Variants in TMOD3 observed in about 807,000 individuals in gnomAD.
The protein encoded by TMOD3 is tropomodulin 3.
In TMOD3, 20 loss-of-function variants were observed where a neutral mutation model predicts 39.2. That is an observed-to-expected ratio of 0.51 (90% CI 0.36 to 0.74). The LOEUF is 0.74. TMOD3 is among the 30% of genes least tolerant of loss of function. TMOD3 has a pLI of 0.00. For synonymous variants in TMOD3, 143 were observed against 145.8 expected, an observed-to-expected ratio of 0.98 and a Z score of 0.14; for missense variants, 381 against 412.8, an observed-to-expected ratio of 0.92 and a Z score of 0.67.
chr15:51,872,276 C>G (rs2056478721), intron 3 of TMOD3, among the ~76,000 whole-genome samples: 1 of 152,034 alleles, frequency 6.6e-6, no homozygotes, highest in South Asian at 2.1e-4. Flanking sequence ...ACCTGTAATC[C>G]TAGCTACTCA....
At chr15:51,887,139 T>TG (rs1308436386) in intron 3 of TMOD3, among the ~76,000 whole-genome samples, 1 of 150,774 alleles carries the variant, frequency 6.6e-6, no homozygotes, top group Admixed American at 6.6e-5. Flanking sequence ...AAGAATCACT[T>TG]GAACCCGGGA....
intron 1 of TMOD3, among the ~76,000 whole-genome samples, chr15:51,842,268 G>T (rs1238581909): frequency 1.3e-5 from 2 of 152,090 alleles, no homozygotes; most frequent in East Asian, 3.9e-4. Flanking sequence ...TACTTTACTG[G>T]ACTGCATGCT....
intron 3 of TMOD3, among the ~76,000 whole-genome samples, chr15:51,885,886 C>G (rs1322633541): frequency 6.7e-6 from 1 of 150,286 alleles, no homozygotes; most frequent in Non-Finnish European, 1.5e-5. Context: ...CGCCCCCCAC[C>G]TCCCAGACGG....
chr15:51,881,962 T>C (rs2056537106), intron 3 of TMOD3, among the ~76,000 whole-genome samples: 1 of 151,364 alleles, frequency 6.6e-6, no homozygotes, highest in African/African-American at 2.4e-5. Context: ...TGGCGCAATC[T>C]CAGCTCACTG....
At chr15:51,844,481 T>G (rs1248370473) in intron 1 of TMOD3, among the ~76,000 whole-genome samples, 1 of 152,216 alleles carries the variant, frequency 6.6e-6, no homozygotes, top group Non-Finnish European at 1.5e-5. Context: ...TTCTAACCTA[T>G]TTTTTCTTAT....
chr15:51,876,167 G>A (rs904770603), intron 3 of TMOD3, among the ~76,000 whole-genome samples: 6 of 151,890 alleles, frequency 4.0e-5, no homozygotes, highest in Admixed American at 3.3e-4. Context: ...TGTTGTTGTT[G>A]TTGTTGTTGT....
intron 1 of TMOD3, chr15:51,860,490 A>G (rs2056411806): frequency 7.0e-6 from 4 of 571,968 alleles, no homozygotes; most frequent in Non-Finnish European, 1.0e-5. Context: ...CAGTGCCCAA[A>G]GAAATAGTTG....
In TMOD3 at chr15:51,909,053, A is replaced by G. The variant is rs1346283329; in HGVS notation, c.*243A>G. 2.9e-6 allele frequency: 1 copy of G among 342,174 alleles called. No individual in the cohort carries two copies. Among genetic ancestry groups the G allele is most frequent in the Non-Finnish European group, 5.2e-6 (1 of 191,002 alleles). The allele number at this position is 342,174 out of a possible 1,614,324, so 21.2% of individuals were successfully genotyped here. A position where few individuals can be genotyped will look rare whatever the true frequency, so the allele number is the denominator to read the frequency against. Reference sequence around the variant, plus strand: ...AGTTTAATTGAATGATTTATGATGAATCTTGGGCAAAAAAATACAACTGTA... The same window carrying G: ...AGTTTAATTGAATGATTTATGATGAGTCTTGGGCAAAAAAATACAACTGTA... On this transcript the variant is annotated 3_prime_UTR_variant, in exon 10 of 10. Transcript: ENST00000308580.
intron 1 of TMOD3, chr15:51,860,379 G>C (rs1228913336): frequency 3.7e-6 from 2 of 543,760 alleles, no homozygotes; most frequent in Admixed American, 1.9e-5. Flanking sequence ...ATCCATGTTG[G>C]CTTTTTGAAA....
At chr15:51,900,864 T>C (rs1486498192) in intron 8 of TMOD3, among the ~76,000 whole-genome samples, 1 of 152,234 alleles carries the variant, frequency 6.6e-6, no homozygotes, top group African/African-American at 2.4e-5. Context: ...TATAATTACA[T>C]ACAGTAAAAT....
At chr15:51,877,661 C>T (rs143148215) in intron 3 of TMOD3, among the ~76,000 whole-genome samples, 278 of 146,460 alleles carry the variant, frequency 1.9e-3, no homozygotes, top group African/African-American at 6.9e-3. Context: ...GCCTGGGCAA[C>T]GAGAGCAAAA....
At chr15:51,903,484 A>G (rs1322447238) in intron 9 of TMOD3, among the ~76,000 whole-genome samples, 5 of 152,240 alleles carry the variant, frequency 3.3e-5, no homozygotes, top group Non-Finnish European at 1.5e-5. Context: ...AGCAGGAAAA[A>G]ATAGCACTTC....
At chr15:51,859,569 C>T (rs902599494) in intron 1 of TMOD3, 7 of 605,712 alleles carry the variant, frequency 1.2e-5, no homozygotes, top group Non-Finnish European at 1.9e-5. Flanking sequence ...TGAGTTGGCA[C>T]CTGTGACAGC....
intron 5 of TMOD3, among the ~76,000 whole-genome samples, chr15:51,889,391 G>A (rs140165943): frequency 2.6e-4 from 39 of 152,140 alleles, no homozygotes; most frequent in African/African-American, 9.4e-4. Flanking sequence ...CAGTATAAAA[G>A]CTAGTCCAAC....
intron 3 of TMOD3, among the ~76,000 whole-genome samples, chr15:51,879,803 G>A (rs1478074424): frequency 1.3e-5 from 2 of 150,930 alleles, no homozygotes; most frequent in Non-Finnish European, 2.9e-5. Context: ...GTGGTCTTTA[G>A]TCTTCCTAGG....
chr15:51,867,808 A>C (rs567452316), intron 2 of TMOD3, among the ~76,000 whole-genome samples: 1 of 152,318 alleles, frequency 6.6e-6, no homozygotes, highest in South Asian at 2.1e-4. Flanking sequence ...GCTTTTGACA[A>C]GTGAAAGGAC....
At chr15:51,880,508 C>G (rs895091634) in intron 3 of TMOD3, among the ~76,000 whole-genome samples, 1 of 152,206 alleles carries the variant, frequency 6.6e-6, no homozygotes, top group Non-Finnish European at 1.5e-5. Flanking sequence ...ATTCCATTCC[C>G]TAGCCCTTGA....
intron 2 of TMOD3, among the ~76,000 whole-genome samples, chr15:51,863,576 T>C (rs749332923): frequency 2.6e-5 from 4 of 152,198 alleles, no homozygotes; most frequent in Admixed American, 6.5e-5. Context: ...GTTGTTTGTC[T>C]TATAAATTAC....
chr15:51,884,466 A>T (rs2056549896), intron 3 of TMOD3: 1 of 152,208 alleles, frequency 6.6e-6, no homozygotes, highest in African/African-American at 2.4e-5. Context: ...CCATTCACAG[A>T]TGCTTGCTTT....
Sources: gnomAD v4.1 joint callset for allele counts (sites outside exome capture counted in the v4.1 genomes callset) on GRCh38, gnomAD v4.1.1 for gene constraint, MANE v1.5 for transcripts, NCBI Gene and HGNC (gene_info 2026-07-23, HGNC 2026-07-21) for gene names.